Variants in ISY1 observed in about 807,000 individuals in gnomAD.
ISY1 encodes ISY1 spliceosome associated protein.
ISY1 carries 12 observed loss-of-function variants against 54.4 expected under a neutral mutation model. That is an observed-to-expected ratio of 0.22 (90% confidence interval 0.14 to 0.36). ISY1 has a LOEUF of 0.36. Among genes scored for constraint, ISY1 ranks in the 10% least tolerant of loss-of-function variants. The pLI, the probability that ISY1 is intolerant of heterozygous loss-of-function variation, is 1.00. For missense variants in ISY1, 282 were observed against 342.2 expected (o/e 0.82, Z 1.39); for synonymous variants, 96 against 117.9 (o/e 0.81, Z 1.20).
At chr3:129,144,385 G>A (rs1237813048) in intron 6 of ISY1, among the ~76,000 whole-genome samples, 1 of 152,194 alleles carries the variant, frequency 6.6e-6, no homozygotes, top group African/African-American at 2.4e-5. Context: ...TACTCCATTT[G>A]TATGTACTAG....
At chr3:129,142,160 G>A (rs190957422) in intron 6 of ISY1, among the ~76,000 whole-genome samples, 74 of 147,304 alleles carry the variant, frequency 5.0e-4, no homozygotes, top group Admixed American at 1.5e-3. Flanking sequence ...AGCTGAGATC[G>A]CACGCCACTG....
intron 7 of ISY1, among the ~76,000 whole-genome samples, chr3:129,139,286 T>C (rs1216412717): frequency 6.6e-6 from 1 of 152,188 alleles, no homozygotes; most frequent in East Asian, 1.9e-4. Context: ...TGGCACAATA[T>C]TTAAACTCTG....
intron 5 of ISY1, among the ~76,000 whole-genome samples, chr3:129,149,973 CAAAAAAA>C (rs200338338): frequency 0.073 from 6,608 of 90,772 alleles, 314 homozygotes; most frequent in East Asian, 0.3. Flanking sequence ...GGCTCTATCT[CAAAAAAA>C]AAAAAAAAAA....
chr3:129,159,095 G>T, intron 2 of ISY1, 59 bp downstream of exon 2: 1 of 1,587,290 alleles, frequency 6.3e-7, no homozygotes, highest in African/African-American at 1.4e-5. Flanking sequence ...TACACAAAGA[G>T]TTACATGGTG....
Position 129,130,583 on chromosome 3 carries a change from G to T in ISY1, c.717C>A (p.Phe239Leu), listed in dbSNP as rs1202590879. The T allele has an allele frequency of 6.2e-7, 1 of 1,614,046 alleles. No homozygotes were observed. The highest frequency in any genetic ancestry group is 8.5e-7 in the Non-Finnish European group (1 of 1,180,024). ...EKGGDDSQQK[F>L]IAHVPVPSQQ... is the part of the protein sequence containing the mutation. Reference sequence around the variant, plus strand: ...GCGAGGGAACAGGGACGTGAGCAATGAACTTCTGCTGGCTGTCGTCCCCTC... The same window carrying T: ...GCGAGGGAACAGGGACGTGAGCAATTAACTTCTGCTGGCTGTCGTCCCCTC... The change falls in exon 10 of 11, where the codon TTC (phenylalanine) becomes TTA (leucine). Residue 239 changes from phenylalanine to leucine, a missense_variant. Physicochemically the swap from Phe to Leu is conservative, Grantham distance 22 (BLOSUM62 0). Around this residue, in one of 2 missense-constraint regions of ISY1, gnomAD observed 279 missense variants for 323.6 expected, o/e 0.86. Transcript: ENST00000393295.
chr3:129,135,034 C>A (rs566641950), intron 7 of ISY1, 80 bp from the exon 8 acceptor site: 3 of 1,495,650 alleles, frequency 2.0e-6, no homozygotes, highest in Non-Finnish European at 2.7e-6. Flanking sequence ...CAACGCTATA[C>A]ACACACGTGG....
In ISY1 at chr3:129,134,777, G is replaced by A. The variant is rs560757144; in HGVS notation, c.541+55C>T. 5.2e-6 allele frequency: 8 copies of A among 1,546,446 alleles called. No homozygotes were observed. The South Asian group carries it at 8.1e-5, about 16-fold the overall frequency. ...ACTATTGAAAATCCTGTTTTCAAAG[G>A]ACACAACAGAAAACAGATGCCATCT... On this transcript the variant is annotated intron_variant, in intron 8 of 10. Coordinates refer to ENST00000393295, the MANE Select transcript of ISY1 (RefSeq NM_020701.4).
At chr3:129,158,236 G>GT (rs149894158) in intron 3 of ISY1, among the ~76,000 whole-genome samples, 5,153 of 149,744 alleles carry the variant, frequency 0.034, 204 homozygotes, top group East Asian at 0.11. Context: ...TCCCTGCAGT[G>GT]TAAGACTCCT....
chr3:129,153,876 G>A (rs1473737486), intron 5 of ISY1, among the ~76,000 whole-genome samples: 2 of 152,064 alleles, frequency 1.3e-5, no homozygotes, highest in Non-Finnish European at 1.5e-5. Context: ...AGGCCGAGGA[G>A]GGTGGATCCC....
At chr3:129,132,333 ATAAT>A (rs1189166738) in intron 9 of ISY1, among the ~76,000 whole-genome samples, 4 of 152,128 alleles carry the variant, frequency 2.6e-5, no homozygotes, top group Non-Finnish European at 4.4e-5. Flanking sequence ...CTGTATCTCT[ATAAT>A]TATTTGAAAA....
At position 129,134,056 on chromosome 3, in the gene ISY1, G is replaced by A. The variant is rs780675003; in HGVS notation, c.663+18C>T. The A allele has an allele frequency of 6.2e-7, 1 of 1,613,660 alleles. No homozygotes were observed. The highest frequency in any genetic ancestry group is 8.5e-7 in the Non-Finnish European group (1 of 1,179,914). On this transcript the variant is annotated intron_variant, in intron 9 of 10. Coordinates refer to ENST00000393295, the MANE Select transcript of ISY1 (RefSeq NM_020701.4). ...GGAACAGATGGCAGTGAGTGCCAGA[G>A]GGGGCCAACCCCAATACCTCCTCCT...
At chr3:129,142,186 G>A (rs946579852) in intron 6 of ISY1, among the ~76,000 whole-genome samples, 6 of 142,118 alleles carry the variant, frequency 4.2e-5, no homozygotes, top group African/African-American at 1.6e-4. Flanking sequence ...CAGCCTGGAC[G>A]ACAGAGCGAG....
intron 5 of ISY1, among the ~76,000 whole-genome samples, chr3:129,155,249 C>T (rs919312281): frequency 6.6e-6 from 1 of 151,804 alleles, no homozygotes; most frequent in African/African-American, 2.4e-5. Context: ...TCCTGGAGTG[C>T]AGTGGCACGA....
rs1213349316 is a variant in ISY1 at position 129,149,642 on chromosome 3, A to AC, written c.188-3770_188-3769insG. Among the ~76,000 whole-genome samples the AC allele has an allele frequency of 6.2e-4, 63 of 101,936 alleles. 1 individual carries two copies. Among genetic ancestry groups the AC allele is most frequent in the East Asian group, 8.7e-4 (3 of 3,462 alleles). 66.9% of individuals were successfully genotyped at this position (101,936 alleles called of 152,430 possible). ...ATATATATATATATATATATACACA[A>AC]AAAAAATCAGCTATGCATGGTGGCA... is the stretch of plus-strand genomic sequence containing the variant. On this transcript the variant is annotated intron_variant, in intron 5 of 10. Transcript: ENST00000393295.
Position 129,161,013 on chromosome 3 carries a change from C to G in ISY1, c.-38G>C. The G allele has an allele frequency of 6.5e-7, 1 of 1,548,618 alleles. No homozygotes were observed. The highest frequency in any genetic ancestry group is 8.7e-7 in the Non-Finnish European group (1 of 1,146,126). ...GGCGCCGTCCTGGAGCCCCGCGGCCCCTGTCCAAGAAACTCCACAGGCCCA... is the reference window on the plus strand; with the variant it reads ...GGCGCCGTCCTGGAGCCCCGCGGCCGCTGTCCAAGAAACTCCACAGGCCCA... On this transcript the variant is annotated 5_prime_UTR_variant, in exon 1 of 11. Coordinates refer to ENST00000393295, the MANE Select transcript of ISY1 (RefSeq NM_020701.4).
At chr3:129,142,641 G>A (rs1331977690) in intron 6 of ISY1, among the ~76,000 whole-genome samples, 1 of 152,142 alleles carries the variant, frequency 6.6e-6, no homozygotes, top group Non-Finnish European at 1.5e-5. Context: ...TGAGCACAGC[G>A]GCTCATGCCT....
In ISY1 at chr3:129,156,576, C is replaced by T. The variant is rs1042923495; in HGVS notation, c.187+57G>A. ...TTATTTTGAAAGGAGTATTGAAGTC[C>T]TCAAGTCTAATTGTGGATTTGAGAA... is the stretch of plus-strand genomic sequence containing the variant. On this transcript the variant is annotated intron_variant, in intron 5 of 10. Transcript: ENST00000393295. 8 of 1,572,872 alleles carry T rather than the reference C, an allele frequency of 5.1e-6. No individual in the cohort carries two copies. The African/African-American group carries it at 5.5e-5, about 11-fold the overall frequency.
At chr3:129,158,861 G>A (rs530302293) in intron 2 of ISY1, among the ~76,000 whole-genome samples, 1 of 152,182 alleles carries the variant, frequency 6.6e-6, no homozygotes, top group African/African-American at 2.4e-5. Flanking sequence ...GGTGTTAAAA[G>A]ACTAACATCA....
At chr3:129,140,705 G>C (rs561086349) in intron 6 of ISY1, among the ~76,000 whole-genome samples, 80 of 152,044 alleles carry the variant, frequency 5.3e-4, no homozygotes, top group Non-Finnish European at 7.5e-4. Context: ...TGAGTAGCTG[G>C]GATTACAGGT....
Sources: allele counts gnomAD v4.1 joint callset (sites outside exome capture counted in the v4.1 genomes callset), GRCh38; gene constraint gnomAD v4.1.1; regional missense constraint gnomAD v4.1.1; transcripts MANE v1.5; gene names NCBI Gene and HGNC (gene_info 2026-07-23, HGNC 2026-07-21).